Variants in NAV2 observed in about 807,000 individuals in gnomAD.
The protein encoded by NAV2 is neuron navigator 2, also known as helicase, APC down-regulated 1.
Under a neutral mutation model 223.2 loss-of-function variants are expected in NAV2, and 54 were observed. The observed-to-expected ratio is 0.24, with a 90% confidence interval of 0.19 to 0.30. The LOEUF (loss-of-function observed/expected upper bound fraction) is 0.30. Ranked by LOEUF, NAV2 falls within the 10% of genes least tolerant of loss-of-function variation. The pLI, the probability that NAV2 is intolerant of heterozygous loss-of-function variation, is 1.00. For missense variants in NAV2, 2,806 were observed against 3,147.5 expected, an observed-to-expected ratio of 0.89 and a Z score of 2.60; for synonymous variants, 1,279 against 1,239.3, an observed-to-expected ratio of 1.03 and a Z score of -0.67.
chr11:19,388,595 G>C (rs1304783530), intron 1 of NAV2, among the ~76,000 whole-genome samples: 1 of 152,208 alleles, frequency 6.6e-6, no homozygotes, highest in Non-Finnish European at 1.5e-5. Flanking sequence ...AAGTCTGAGA[G>C]GGAGTGGGTG....
At chr11:19,797,540 T>C (rs2057991428) in intron 1 of NAV2, among the ~76,000 whole-genome samples, 1 of 152,206 alleles carries the variant, frequency 6.6e-6, no homozygotes, top group African/African-American at 2.4e-5. Context: ...TTTTAATGCC[T>C]TGACCATGAT....
At chr11:19,761,945 G>A (rs1201282106) in intron 1 of NAV2, among the ~76,000 whole-genome samples, 1 of 152,052 alleles carries the variant, frequency 6.6e-6, no homozygotes, top group African/African-American at 2.4e-5. Flanking sequence ...TCAGAATCTT[G>A]TAAAACCTCA....
intron 1 of NAV2, among the ~76,000 whole-genome samples, chr11:19,481,802 C>T (rs2042289926): frequency 6.6e-6 from 1 of 152,192 alleles, no homozygotes; most frequent in African/African-American, 2.4e-5. Context: ...TACCAAGGTG[C>T]TTAAAGGCCA....
chr11:19,434,846 T>C (rs1012703535), intron 1 of NAV2, among the ~76,000 whole-genome samples: 1 of 137,410 alleles, frequency 7.3e-6, no homozygotes, highest in Admixed American at 7.7e-5. Context: ...CAAAAGGTTG[T>C]GGCTTTTTTT....
At position 20,044,140 on chromosome 11, in the gene NAV2, A is replaced by G. The variant is rs1245508548; in HGVS notation, c.3067A>G (p.Thr1023Ala). ...TGTGTCTGACGAGTCCGACAAAAGC[A>G]CGTCGGGCAAGAAGAATCCTGTCAT... Reference protein sequence around the residue: ...SDVSDESDKSTSGKKNPVISQ... With the variant: ...SDVSDESDKSASGKKNPVISQ... The change falls in exon 13 of 38, where the codon ACG (threonine) becomes GCG (alanine). Residue 1023 changes from threonine (T) to alanine (A), a missense_variant. By Grantham distance (58) the Thr-to-Ala change is moderately conservative. Coordinates refer to ENST00000349880, the MANE Select transcript of NAV2 (RefSeq NM_145117.5). The G allele has an allele frequency of 2.5e-6, 4 of 1,614,064 alleles. No homozygotes were observed. The African/African-American group carries it at 5.3e-5, about 22-fold the overall frequency.
chr11:19,426,434 A>G (rs961402303), intron 1 of NAV2, among the ~76,000 whole-genome samples: 2 of 152,212 alleles, frequency 1.3e-5, no homozygotes, highest in African/African-American at 4.8e-5. Flanking sequence ...GAAATAAACC[A>G]GGGATGCTCC....
intron 1 of NAV2, among the ~76,000 whole-genome samples, chr11:19,748,183 T>G (rs1488446012): frequency 6.6e-6 from 1 of 152,204 alleles, no homozygotes; most frequent in Non-Finnish European, 1.5e-5. Context: ...TCTCCCAGCT[T>G]GTTCAGAGGC....
intron 1 of NAV2, among the ~76,000 whole-genome samples, chr11:19,604,109 T>C (rs1227835844): frequency 6.6e-6 from 1 of 152,134 alleles, no homozygotes; most frequent in Non-Finnish European, 1.5e-5. Flanking sequence ...TAGGGCCCAG[T>C]AGAACTTTGG....
intron 1 of NAV2, among the ~76,000 whole-genome samples, chr11:19,429,814 T>G (rs1850977879): frequency 1.3e-5 from 2 of 152,204 alleles, no homozygotes; most frequent in African/African-American, 4.8e-5. Context: ...ACCAGTTTGC[T>G]GAGTGGCCTG....
intron 27 of NAV2, 79 bp from the exon 28 acceptor site, chr11:20,092,127 C>A (rs1039887120): frequency 5.5e-6 from 8 of 1,449,154 alleles, no homozygotes; most frequent in African/African-American, 1.4e-5. Context: ...CTGCAGGGAA[C>A]TTTCAGATCC....
At chr11:19,647,052 GA>G (rs1461069064) in intron 1 of NAV2, among the ~76,000 whole-genome samples, 2 of 152,160 alleles carry the variant, frequency 1.3e-5, no homozygotes, top group African/African-American at 4.8e-5. Flanking sequence ...AGTAAGAGAC[GA>G]CACTTTTTCT....
At chr11:19,707,359 ATT>A (rs2049695525) in intron 1 of NAV2, among the ~76,000 whole-genome samples, 1 of 152,156 alleles carries the variant, frequency 6.6e-6, no homozygotes, top group South Asian at 2.1e-4. Flanking sequence ...ATACAAAAAT[ATT>A]TTCTTTATAT....
chr11:19,816,678 TCAA>T (rs2059108318), intron 1 of NAV2, among the ~76,000 whole-genome samples: 1 of 152,206 alleles, frequency 6.6e-6, no homozygotes, highest in African/African-American at 2.4e-5. Context: ...TAGAATAACA[TCAA>T]CACAGAATAT....
chr11:19,558,387 T>C (rs1309046103), intron 1 of NAV2, among the ~76,000 whole-genome samples: 1 of 152,182 alleles, frequency 6.6e-6, no homozygotes, highest in Non-Finnish European at 1.5e-5. Context: ...GCAGGGCCTC[T>C]CTCTCCAGCA....
intron 1 of NAV2, among the ~76,000 whole-genome samples, chr11:19,748,873 T>G (rs1352995770): frequency 6.6e-6 from 1 of 152,216 alleles, no homozygotes; most frequent in Non-Finnish European, 1.5e-5. Context: ...GGTAAAGATG[T>G]GAGTGACCAT....
chr11:19,703,456 G>C (rs2049568790), intron 1 of NAV2, among the ~76,000 whole-genome samples: 1 of 152,200 alleles, frequency 6.6e-6, no homozygotes, highest in South Asian at 2.1e-4. Context: ...GGGAGGTGGG[G>C]AGCATCGCAG....
chr11:19,397,368 A>G, intron 1 of NAV2, among the ~76,000 whole-genome samples: 1 of 146,234 alleles, frequency 6.8e-6, no homozygotes, highest in African/African-American at 2.5e-5. Context: ...TAGCAGAGCT[A>G]CTGTGTAGAG....
chr11:20,025,182 A>T (rs890264876), intron 11 of NAV2, among the ~76,000 whole-genome samples: 2 of 152,144 alleles, frequency 1.3e-5, no homozygotes, highest in African/African-American at 4.8e-5. Flanking sequence ...ACATCTATCC[A>T]AAGGGGGCAT....
Position 19,732,157 on chromosome 11 carries a change from G to A in NAV2, c.267+18195G>A, listed in dbSNP as rs1417057878. ...AGTCAGTCTCCCTGCTACTCGGGAG[G>A]CTGAGGCAGGAGAATCGCTTGAACC... On this transcript the variant is annotated intron_variant, in intron 1 of 37. Coordinates refer to ENST00000349880, the MANE Select transcript of NAV2 (RefSeq NM_145117.5). Among the ~76,000 whole-genome samples the A allele has an allele frequency of 3.3e-5, 5 of 152,054 alleles. 1 individual carries two copies. Among genetic ancestry groups the A allele is most frequent in the Admixed American group, 3.3e-4 (5 of 15,264 alleles).
Sources: gnomAD v4.1 joint callset for allele counts (sites outside exome capture counted in the v4.1 genomes callset) on GRCh38, gnomAD v4.1.1 for gene constraint, MANE v1.5 for transcripts, NCBI Gene and HGNC (gene_info 2026-07-23, HGNC 2026-07-21) for gene names.